DORIP1: variants seen among roughly 807,000 people sequenced by gnomAD.
DORIP1 encodes dopamine receptor-interacting protein 1.
chr14:44,901,043 G>A, the DORIP1 span: 4 of 1,376,502 alleles, frequency 2.9e-6, no homozygotes, highest in Middle Eastern at 3.8e-4. Context: ...ACCCCATAAT[G>A]ACATTTGGGT....
At chr14:44,905,445 G>C in the DORIP1 span, 5 of 1,573,828 alleles carry the variant, frequency 3.2e-6, no homozygotes, top group Non-Finnish European at 4.3e-6. Flanking sequence ...GTGGACATTG[G>C]ATGCACTATG....
chr14:44,904,498 G>A, the DORIP1 span: 1 of 1,610,666 alleles, frequency 6.2e-7, no homozygotes, highest in Non-Finnish European at 8.5e-7. Flanking sequence ...TCTGGCGTAT[G>A]TACCCTATTA....
At chr14:44,903,502 T>C in the DORIP1 span, 1,233 of 1,156,498 alleles carry the variant, frequency 1.1e-3, 4 homozygotes, top group African/African-American at 9.7e-3. Flanking sequence ...TTTTCTTTTT[T>C]CCCCCCCCAC....
chr14:44,904,620 G>A, the DORIP1 span: 2 of 1,248,384 alleles, frequency 1.6e-6, no homozygotes, highest in East Asian at 5.3e-5. Flanking sequence ...AAGAGATATT[G>A]TTGAAAACAA....
At chr14:44,903,877 A>T in the DORIP1 span, 1 of 984,734 alleles carries the variant, frequency 1.0e-6, no homozygotes, top group African/African-American at 1.7e-5. Flanking sequence ...GGTTTAGTTA[A>T]TAATGTTTGT....
chr14:44,904,630 A>G, the DORIP1 span: 3 of 1,179,708 alleles, frequency 2.5e-6, no homozygotes, highest in South Asian at 5.5e-5. Context: ...GTTGAAAACA[A>G]TCATATCTGT....
chr14:44,897,716 G>T, the DORIP1 span: 1 of 152,554 alleles, frequency 6.6e-6, no homozygotes, highest in Non-Finnish European at 1.5e-5. Context: ...CCGACTCGCG[G>T]GCCCCTAACT....
the DORIP1 span, chr14:44,900,732 C>G: frequency 8.1e-6 from 13 of 1,614,072 alleles, no homozygotes; most frequent in Admixed American, 8.3e-5. Flanking sequence ...TGGACACCTA[C>G]AGTTTTACAA....
chr14:44,900,955 A>G, the DORIP1 span: 14 of 1,566,828 alleles, frequency 8.9e-6, no homozygotes, highest in East Asian at 2.9e-4. Context: ...CACAATTAAT[A>G]TAAAGTAAGT....
chr14:44,907,074 A>G, the DORIP1 span: 1 of 152,658 alleles, frequency 6.6e-6, no homozygotes. Context: ...GGTGTCATTA[A>G]CAAAATTATT....
the DORIP1 span, chr14:44,897,295 C>G: frequency 6.5e-6 from 1 of 153,044 alleles, no homozygotes; most frequent in Non-Finnish European, 1.5e-5. Flanking sequence ...CCGAATCTTC[C>G]TCCGTAATAA....
At chr14:44,897,493 G>A in the DORIP1 span, 2 of 206,094 alleles carry the variant, frequency 9.7e-6, no homozygotes, top group Non-Finnish European at 1.9e-5. Flanking sequence ...GGCGGCGGCG[G>A]CAGCCCGGGC....
the DORIP1 span, among the ~76,000 whole-genome samples, chr14:44,898,230 C>T: frequency 6.6e-6 from 1 of 152,078 alleles, no homozygotes; most frequent in African/African-American, 2.4e-5. Context: ...TTTTCCCCAC[C>T]CCTCATTTTT....
At chr14:44,899,823 A>ATTTTTTTTTT in the DORIP1 span, among the ~76,000 whole-genome samples, 10 of 134,444 alleles carry the variant, frequency 7.4e-5, 1 homozygote, top group African/African-American at 2.7e-4. Context: ...TTCATTTAGG[A>ATTTTTTTTTT]ATTTTTTTTT....
chr14:44,907,159 T>A, the DORIP1 span: 1 of 152,746 alleles, frequency 6.5e-6, no homozygotes, highest in East Asian at 1.9e-4. Flanking sequence ...ATGACTTACC[T>A]ACCTCACAGG....
the DORIP1 span, chr14:44,905,148 A>G: frequency 2.7e-6 from 1 of 364,548 alleles, no homozygotes; most frequent in Non-Finnish European, 4.8e-6. Flanking sequence ...TTTTAAAAGA[A>G]ACATACAGGT....
At chr14:44,903,250 G>A in the DORIP1 span, 1 of 1,613,398 alleles carries the variant, frequency 6.2e-7, no homozygotes, top group Non-Finnish European at 8.5e-7. Context: ...AAGACTGGCT[G>A]TGAATGAGTT....
chr14:44,904,703 G>T, the DORIP1 span: 16 of 654,290 alleles, frequency 2.4e-5, no homozygotes, highest in Non-Finnish European at 3.5e-5. Context: ...TACTAGCAGT[G>T]CACATAGTGG....
chr14:44,901,979 A>C, the DORIP1 span, among the ~76,000 whole-genome samples: 1 of 152,204 alleles, frequency 6.6e-6, no homozygotes, highest in African/African-American at 2.4e-5. Context: ...CAGTGGAAGA[A>C]AAACAGACCC....
Sources: gnomAD v4.1 joint callset for allele counts (sites outside exome capture counted in the v4.1 genomes callset) on GRCh38, gnomAD v4.1.1 for gene constraint, MANE v1.5 for transcripts, NCBI Gene and HGNC (gene_info 2026-07-23, HGNC 2026-07-21) for gene names.